Variants in COMMD7 observed in about 807,000 individuals in gnomAD.
COMMD7 encodes COMM domain-containing protein 7.
COMMD7 carries 28 observed loss-of-function variants against 34.8 expected under a neutral mutation model. The ratio of observed to expected loss-of-function variants is 0.80; its 90% confidence interval spans 0.60 to 1.10. COMMD7 has a LOEUF of 1.10. COMMD7 is among the 50% of genes least tolerant of loss of function. COMMD7 has a pLI of 0.00. For missense variants in COMMD7, 211 were observed against 241.6 expected, an observed-to-expected ratio of 0.87 and a Z score of 0.84; for synonymous variants, 80 against 86.4, an observed-to-expected ratio of 0.93 and a Z score of 0.41.
chr20:32,718,686 G>A (rs1314251817), intron 3 of COMMD7, among the ~76,000 whole-genome samples: 2 of 151,632 alleles, frequency 1.3e-5, no homozygotes, highest in Admixed American at 6.6e-5. Context: ...GTGACAGAGC[G>A]AGACTCTGTC....
chr20:32,714,857 A>C (rs546874031), intron 3 of COMMD7, among the ~76,000 whole-genome samples: 5 of 49,520 alleles, frequency 1.0e-4, no homozygotes, highest in South Asian at 6.9e-4. Flanking sequence ...ACAACAACAA[A>C]AATTAGCCAG....
At chr20:32,740,709 G>A (rs868704227) in intron 1 of COMMD7, among the ~76,000 whole-genome samples, 42 of 150,414 alleles carry the variant, frequency 2.8e-4, no homozygotes, top group Admixed American at 7.3e-4. Context: ...ATGGTGGCGC[G>A]TGCCTATAGT....
chr20:32,704,496 C>CAA lies in COMMD7; in HGVS notation c.428-9_428-8dup, dbSNP rs59379723. The CAA allele has an allele frequency of 1.5e-4, 210 of 1,403,908 alleles. No individual in the cohort carries two copies. The highest frequency in any genetic ancestry group is 4.3e-4 in the South Asian group (31 of 72,864). 87.0% of individuals were successfully genotyped at this position (1,403,908 alleles called of 1,614,324 possible). A position where few individuals can be genotyped will look rare whatever the true frequency, so the allele number is the denominator to read the frequency against. ...TCGCTGCTCCCAGATGTCACTGTGACAAAAAAAAAAAAAAAGAGAGAGAGA... is the reference window on the plus strand; with the variant it reads ...TCGCTGCTCCCAGATGTCACTGTGACAAAAAAAAAAAAAAAAAGAGAGAGAGA... On this transcript the variant is annotated splice_polypyrimidine_tract_variant and splice_region_variant and intron_variant, in intron 6 of 8. Coordinates refer to ENST00000278980, the MANE Select transcript of COMMD7 (RefSeq NM_053041.3).
chr20:32,725,036 TGTGA>T (rs1371602914), intron 3 of COMMD7, among the ~76,000 whole-genome samples: 1 of 151,786 alleles, frequency 6.6e-6, no homozygotes, highest in Non-Finnish European at 1.5e-5. Context: ...TACTCACATT[TGTGA>T]GTAAGAAGAG....
chr20:32,741,099 C>T (rs904692924), intron 1 of COMMD7, among the ~76,000 whole-genome samples: 13 of 151,382 alleles, frequency 8.6e-5, no homozygotes, highest in Admixed American at 5.9e-4. Context: ...GCCAAGATCA[C>T]GCCACTGCAC....
At chr20:32,724,167 A>C (rs1600990798) in intron 3 of COMMD7, among the ~76,000 whole-genome samples, 2 of 18,016 alleles carry the variant, frequency 1.1e-4, no homozygotes, top group East Asian at 1.1e-3. Context: ...CCGCCCGGCC[A>C]GCCGCCCGGT....
At chr20:32,708,021 A>T (rs1984205099) in intron 3 of COMMD7, among the ~76,000 whole-genome samples, 1 of 152,154 alleles carries the variant, frequency 6.6e-6, no homozygotes. Flanking sequence ...TTGTCCTAAG[A>T]AGTTAGCTTT....
intron 1 of COMMD7, among the ~76,000 whole-genome samples, chr20:32,732,196 C>A (rs1215187928): frequency 6.6e-6 from 1 of 152,160 alleles, no homozygotes; most frequent in East Asian, 1.9e-4. Context: ...GCAATCCTCC[C>A]ACCTCAGTCT....
intron 3 of COMMD7, among the ~76,000 whole-genome samples, chr20:32,718,308 C>G (rs1338440232): frequency 6.6e-6 from 1 of 151,254 alleles, no homozygotes; most frequent in Non-Finnish European, 1.5e-5. Context: ...GGAGGTTGAG[C>G]CAGGAGAATG....
At chr20:32,743,237 T>TGCCCCCCCC in intron 1 of COMMD7, 71 bp downstream of exon 1, 41 of 526,894 alleles carry the variant, frequency 7.8e-5, no homozygotes, top group Middle Eastern at 5.5e-4. Flanking sequence ...CCCCCGGACG[T>TGCCCCCCCC]CCCCCCCACC....
intron 1 of COMMD7, among the ~76,000 whole-genome samples, chr20:32,729,327 C>A (rs1985706165): frequency 6.6e-6 from 1 of 151,836 alleles, no homozygotes; most frequent in Admixed American, 6.6e-5. Flanking sequence ...TGCCACCACA[C>A]CTGGATAATT....
chr20:32,735,305 T>C (rs1295262277), intron 1 of COMMD7, among the ~76,000 whole-genome samples: 1 of 151,994 alleles, frequency 6.6e-6, no homozygotes, highest in Admixed American at 6.6e-5. Context: ...TCTATAAAAA[T>C]AACTAAGAAA....
Position 32,704,066 on chromosome 20 carries a change from CT to C in COMMD7, c.482del (p.Lys161SerfsTer15). 6.3e-7 allele frequency: 1 copy of C among 1,593,986 alleles called. No homozygotes were observed. ...EKVGSIFLQL[K>X]LVVKKGNQTE... is the part of the protein sequence containing the mutation. ...TTTGATTTCCTTTCTTAACCACCAACTTTAGCTGATGAAAGAAAAAGAAATA... is the reference window on the plus strand; with the variant it reads ...TTTGATTTCCTTTCTTAACCACCAACTTAGCTGATGAAAGAAAAAGAAATA... On this transcript the variant is annotated frameshift_variant, in exon 8 of 9. Transcript: ENST00000278980. LOFTEE classifies it high-confidence loss of function.
At chr20:32,728,662 G>C (rs1471402029) in intron 1 of COMMD7, among the ~76,000 whole-genome samples, 1 of 148,560 alleles carries the variant, frequency 6.7e-6, no homozygotes, top group African/African-American at 2.5e-5. Flanking sequence ...TGCCTCCTGG[G>C]CTCAAGCAAT....
chr20:32,713,301 C>T (rs943064943), intron 3 of COMMD7, among the ~76,000 whole-genome samples: 7 of 151,988 alleles, frequency 4.6e-5, no homozygotes, highest in Non-Finnish European at 7.4e-5. Context: ...CCACCCGCCT[C>T]GGCTTCCTAA....
intron 3 of COMMD7, among the ~76,000 whole-genome samples, chr20:32,715,026 A>AT (rs1277300261): frequency 2.0e-5 from 3 of 148,658 alleles, no homozygotes; most frequent in African/African-American, 7.4e-5. Context: ...ATAAAAATAA[A>AT]AATAAATAAA....
At chr20:32,705,376 AT>A (rs200183828) in intron 5 of COMMD7, among the ~76,000 whole-genome samples, 44,034 of 125,014 alleles carry the variant, frequency 0.35, 7,374 homozygotes, top group South Asian at 0.45. Context: ...ATATATATAT[AT>A]TTTTTTTTTT....
At chr20:32,730,818 TAC>T (rs1456881688) in intron 1 of COMMD7, among the ~76,000 whole-genome samples, 2 of 152,114 alleles carry the variant, frequency 1.3e-5, no homozygotes, top group Admixed American at 1.3e-4. Flanking sequence ...AAATGGTAGC[TAC>T]AGTTAGAGTC....
chr20:32,715,017 T>C (rs6058818), intron 3 of COMMD7, among the ~76,000 whole-genome samples: 44,468 of 146,228 alleles, frequency 0.3, 6,890 homozygotes, highest in Middle Eastern at 0.42. Flanking sequence ...CTCAAAAAAA[T>C]AAAAATAAAA....
Sources: gnomAD v4.1 joint callset for allele counts (sites outside exome capture counted in the v4.1 genomes callset) on GRCh38, gnomAD v4.1.1 for gene constraint, MANE v1.5 for transcripts, NCBI Gene and HGNC (gene_info 2026-07-23, HGNC 2026-07-21) for gene names.